NCALD: variants seen among roughly 807,000 people sequenced by gnomAD.
The protein encoded by NCALD is neurocalcin-delta.
A neutral mutation model predicts 18.6 loss-of-function variants in NCALD; 10 were observed. The observed-to-expected ratio is 0.54, with a 90% CI of 0.33 to 0.91. The LOEUF is 0.91. Ranked by LOEUF, NCALD falls within the 40% of genes least tolerant of loss-of-function variation. The pLI is 0.03. For missense variants in NCALD, 184 were observed against 247.6 expected (o/e 0.74, Z 1.72); for synonymous variants, 88 against 87.4 (o/e 1.01, Z -0.04).
intron 4 of NCALD, chr8:101,872,509 A>G: frequency 1.3e-6 from 1 of 742,668 alleles, no homozygotes; most frequent in Non-Finnish European, 2.5e-6. Flanking sequence ...CTTCTTGTCT[A>G]AGATGTCATT....
chr8:101,793,451 A>G (rs1409739034), upstream of NCALD, among the ~76,000 whole-genome samples: 1 of 151,992 alleles, frequency 6.6e-6, no homozygotes, highest in Non-Finnish European at 1.5e-5. Context: ...AACTGAAGAG[A>G]GAGATTAAGT....
intron 1 of NCALD, chr8:101,746,130 G>A (rs758585656): frequency 5.3e-5 from 8 of 152,162 alleles, no homozygotes; most frequent in Non-Finnish European, 8.8e-5. Context: ...AAAAAATATA[G>A]GCTTGGGGAG....
chr8:101,930,376 T>C (rs1818528659), intron 2 of NCALD, among the ~76,000 whole-genome samples: 1 of 151,944 alleles, frequency 6.6e-6, no homozygotes, highest in Non-Finnish European at 1.5e-5. Flanking sequence ...CTACAGAGGG[T>C]AAGGGTAAGT....
At chr8:101,701,579 C>A (rs141208919) in intron 2 of NCALD, among the ~76,000 whole-genome samples, 19 of 152,240 alleles carry the variant, frequency 1.2e-4, no homozygotes, top group African/African-American at 4.6e-4. Context: ...GAAGGAACAA[C>A]CTCTTGGGAT....
intron 2 of NCALD, among the ~76,000 whole-genome samples, chr8:101,943,979 CAAAA>C (rs34356914): frequency 2.1e-4 from 31 of 150,590 alleles, no homozygotes; most frequent in East Asian, 1.2e-3. Flanking sequence ...AACAAACAAA[CAAAA>C]AAAAACAGAA....
intron 1 of NCALD, among the ~76,000 whole-genome samples, chr8:102,101,291 C>G: frequency 6.6e-6 from 1 of 152,174 alleles, no homozygotes. Context: ...CAGGAGAAGC[C>G]TGAAATCCGC....
upstream of NCALD, among the ~76,000 whole-genome samples, chr8:101,794,135 T>C (rs193134559): frequency 1.3e-5 from 2 of 152,344 alleles, no homozygotes; most frequent in African/African-American, 2.4e-5. Flanking sequence ...TAATATATTA[T>C]AAAATTCTGA....
intron 2 of NCALD, among the ~76,000 whole-genome samples, chr8:101,700,879 A>G (rs571026328): frequency 2.6e-5 from 4 of 152,216 alleles, no homozygotes; most frequent in Non-Finnish European, 5.9e-5. Flanking sequence ...ACATATGTGC[A>G]AGCAGGGCTT....
intron 4 of NCALD, among the ~76,000 whole-genome samples, chr8:101,804,590 TATATAATTA>T (rs1313327956): frequency 7.6e-6 from 1 of 131,070 alleles, no homozygotes; most frequent in Non-Finnish European, 1.5e-5. Context: ...AATTATATAA[TATATAATTA>T]ATATAATTAA....
chr8:102,079,262 A>C (rs542979060), intron 1 of NCALD, among the ~76,000 whole-genome samples: 1 of 152,328 alleles, frequency 6.6e-6, no homozygotes, highest in African/African-American at 2.4e-5. Context: ...GACACTGCAG[A>C]GCTACCAGCC....
chr8:101,765,070 T>C (rs573268296), intron 1 of NCALD, among the ~76,000 whole-genome samples: 1 of 152,320 alleles, frequency 6.6e-6, no homozygotes, highest in Admixed American at 6.5e-5. Context: ...TATAGAGCAG[T>C]ATGCAAAGAG....
At chr8:101,771,760 A>C (rs1401261876) in intron 1 of NCALD, among the ~76,000 whole-genome samples, 1 of 152,240 alleles carries the variant, frequency 6.6e-6, no homozygotes, top group Non-Finnish European at 1.5e-5. Flanking sequence ...TATTATTCTT[A>C]GTTTCATACA....
At chr8:101,907,582 A>C (rs1817652487) in intron 3 of NCALD, among the ~76,000 whole-genome samples, 1 of 151,904 alleles carries the variant, frequency 6.6e-6, no homozygotes, top group Non-Finnish European at 1.5e-5. Flanking sequence ...ATATTTTATT[A>C]AATTCCTACT....
chr8:101,988,637 G>C (rs1363900978), intron 2 of NCALD, among the ~76,000 whole-genome samples: 1 of 152,146 alleles, frequency 6.6e-6, no homozygotes, highest in Non-Finnish European at 1.5e-5. Context: ...GTTATCTGTG[G>C]TAGGGACAAA....
intron 2 of NCALD, among the ~76,000 whole-genome samples, chr8:101,931,191 A>C (rs1437592421): frequency 6.6e-6 from 1 of 152,202 alleles, no homozygotes; most frequent in Non-Finnish European, 1.5e-5. Context: ...GGGAACAAGC[A>C]AACATCCACC....
intron 1 of NCALD, among the ~76,000 whole-genome samples, chr8:101,761,121 C>T (rs1811091962): frequency 6.6e-6 from 1 of 152,108 alleles, no homozygotes; most frequent in Admixed American, 6.5e-5. Context: ...ATTCCACCAG[C>T]TTAACTGCTA....
At chr8:101,761,923 T>C (rs1173641971) in intron 1 of NCALD, among the ~76,000 whole-genome samples, 1 of 152,138 alleles carries the variant, frequency 6.6e-6, no homozygotes, top group Admixed American at 6.6e-5. Flanking sequence ...CATGTGGGAG[T>C]ATAATCCAAA....
chr8:101,852,917 T>C (rs1431230613), intron 4 of NCALD, among the ~76,000 whole-genome samples: 1 of 152,200 alleles, frequency 6.6e-6, no homozygotes, highest in East Asian at 1.9e-4. Flanking sequence ...CTGAACTGTG[T>C]ATGAGCCATA....
chr8:101,811,329 G>A (rs1351307140), intron 4 of NCALD, among the ~76,000 whole-genome samples: 1 of 152,168 alleles, frequency 6.6e-6, no homozygotes, highest in East Asian at 1.9e-4. Flanking sequence ...CTAGGAAGAT[G>A]GAGGAAGGGG....
Sources: allele counts gnomAD v4.1 joint callset (sites outside exome capture counted in the v4.1 genomes callset), GRCh38; gene constraint gnomAD v4.1.1; transcripts MANE v1.5; gene names NCBI Gene and HGNC (gene_info 2026-07-23, HGNC 2026-07-21).